Variants in GALNT13 observed in about 807,000 individuals in gnomAD.
The protein encoded by GALNT13 is UDP-GalNAc:polypeptide N-acetylgalactosaminyltransferase 13.
In GALNT13, 28 loss-of-function variants were observed where a neutral mutation model predicts 64.2. The observed-to-expected ratio is 0.44, with a 90% CI of 0.32 to 0.60. GALNT13 has a LOEUF of 0.60. Among genes scored for constraint, GALNT13 ranks in the 20% least tolerant of loss-of-function variants. The pLI is 0.05. For synonymous variants in GALNT13, 214 were observed against 224.6 expected, an observed-to-expected ratio of 0.95 and a Z score of 0.42; for missense variants, 577 against 669.8, an observed-to-expected ratio of 0.86 and a Z score of 1.53.
intron 10 of GALNT13, among the ~76,000 whole-genome samples, chr2:154,402,260 T>C (rs1018025295): frequency 6.6e-6 from 1 of 152,312 alleles, no homozygotes; most frequent in Admixed American, 6.5e-5. Context: ...GGGCAGTATA[T>C]ATCTCTCTCT....
the GALNT13 span, among the ~76,000 whole-genome samples, chr2:153,671,266 G>C: frequency 1.3e-5 from 2 of 152,146 alleles, no homozygotes; most frequent in Non-Finnish European, 2.9e-5. Context: ...CACCGAGGTT[G>C]AAATGAAGGA....
the GALNT13 span, among the ~76,000 whole-genome samples, chr2:153,356,821 G>A: frequency 7.1e-5 from 9 of 127,600 alleles, no homozygotes; most frequent in African/African-American, 9.2e-5. Context: ...TTTTTGAGAC[G>A]GAGTCTTGCT....
At chr2:153,542,477 T>C in the GALNT13 span, among the ~76,000 whole-genome samples, 17 of 152,248 alleles carry the variant, frequency 1.1e-4, no homozygotes, top group East Asian at 3.3e-3. Flanking sequence ...TAGGAATTTA[T>C]AGCAAGGGGC....
At chr2:154,138,620 C>A (rs1310944842) in intron 3 of GALNT13, among the ~76,000 whole-genome samples, 2 of 149,548 alleles carry the variant, frequency 1.3e-5, no homozygotes, top group Non-Finnish European at 3.0e-5. Flanking sequence ...TTAATAGGAG[C>A]GCCCATGTCA....
In GALNT13 at chr2:154,002,827, G is replaced by A. The variant is rs1017616906; in HGVS notation, c.142+58188G>A. 3.3e-5 allele frequency among the ~76,000 whole-genome samples: 5 copies of A among 152,120 alleles called. 1 individual carries two copies. The highest frequency in any genetic ancestry group is 2.1e-4 in the South Asian group (1 of 4,824). ...GTTACCAGAGTTTAATCATGGGCCC[G>A]TTTGTTGCTTCGAATTCTAGGGAGA... On this transcript the variant is annotated intron_variant, in intron 3 of 12. Coordinates refer to ENST00000392825, the MANE Select transcript of GALNT13 (RefSeq NM_052917.4).
the GALNT13 span, among the ~76,000 whole-genome samples, chr2:153,251,667 G>GGCCA: frequency 1.5e-5 from 2 of 130,014 alleles, no homozygotes; most frequent in East Asian, 4.5e-4. Flanking sequence ...TCCCCTTCCT[G>GGCCA]GGTCCATGTG....
chr2:154,322,144 CTTTTTTTTTT>C (rs70983718), intron 9 of GALNT13, among the ~76,000 whole-genome samples: 8 of 16,612 alleles, frequency 4.8e-4, no homozygotes, highest in African/African-American at 2.1e-3. Flanking sequence ...AAAATATGTA[CTTTTTTTTTT>C]TTTTTTTTTT....
intron 4 of GALNT13, among the ~76,000 whole-genome samples, chr2:154,171,931 A>G (rs1685368591): frequency 6.6e-6 from 1 of 151,410 alleles, no homozygotes. Context: ...AGTAAACATA[A>G]TATCCATGCT....
intron 6 of GALNT13, among the ~76,000 whole-genome samples, chr2:154,244,857 C>T (rs770163839): frequency 1.3e-5 from 2 of 152,084 alleles, no homozygotes; most frequent in Non-Finnish European, 1.5e-5. Context: ...TGCGGTGGCT[C>T]ACACCTATAA....
At chr2:153,241,238 C>T in the GALNT13 span, among the ~76,000 whole-genome samples, 2 of 152,206 alleles carry the variant, frequency 1.3e-5, no homozygotes, top group African/African-American at 2.4e-5. Context: ...GGGAGACTAT[C>T]CACTCTTCGT....
the GALNT13 span, among the ~76,000 whole-genome samples, chr2:153,407,220 C>T: frequency 2.6e-5 from 4 of 152,116 alleles, no homozygotes; most frequent in Admixed American, 2.6e-4. Context: ...GAAACAGAAA[C>T]TCAGGATGGG....
intron 9 of GALNT13, among the ~76,000 whole-genome samples, chr2:154,351,569 G>A (rs1696405050): frequency 1.3e-5 from 2 of 151,776 alleles, no homozygotes; most frequent in African/African-American, 2.4e-5. Context: ...TGTAGTCCCA[G>A]CTACTCTGGA....
intron 3 of GALNT13, among the ~76,000 whole-genome samples, chr2:153,986,602 T>C (rs1362502572): frequency 6.6e-6 from 1 of 151,946 alleles, no homozygotes; most frequent in African/African-American, 2.4e-5. Context: ...CAAATCCTTT[T>C]AGCCCAAGTT....
the GALNT13 span, among the ~76,000 whole-genome samples, chr2:153,372,410 G>C: frequency 6.6e-6 from 1 of 152,168 alleles, no homozygotes; most frequent in South Asian, 2.1e-4. Flanking sequence ...CACTTTGGGA[G>C]GCCAAGGCAG....
chr2:153,655,424 A>C, the GALNT13 span, among the ~76,000 whole-genome samples: 1 of 152,044 alleles, frequency 6.6e-6, no homozygotes, highest in African/African-American at 2.4e-5. Flanking sequence ...TGATCCTTTG[A>C]TTTAAGAGAT....
At chr2:153,248,536 C>T in the GALNT13 span, among the ~76,000 whole-genome samples, 1 of 151,284 alleles carries the variant, frequency 6.6e-6, no homozygotes, top group Non-Finnish European at 1.5e-5. Context: ...AACCCTCGGC[C>T]GGGCGTGGTG....
chr2:154,020,623 G>T (rs2105275832), intron 3 of GALNT13, among the ~76,000 whole-genome samples: 1 of 151,942 alleles, frequency 6.6e-6, no homozygotes, highest in Middle Eastern at 3.4e-3. Flanking sequence ...TGAGTAGGTT[G>T]TGAAAATTTT....
the GALNT13 span, among the ~76,000 whole-genome samples, chr2:153,209,532 T>C: frequency 6.6e-6 from 1 of 152,224 alleles, no homozygotes; most frequent in South Asian, 2.1e-4. Context: ...TATGTGCTTA[T>C]CTTTATGCCA....
chr2:153,631,174 C>T, the GALNT13 span, among the ~76,000 whole-genome samples: 5 of 152,028 alleles, frequency 3.3e-5, no homozygotes, highest in African/African-American at 1.2e-4. Context: ...TATTCCATGG[C>T]ATATATGTGC....
Sources: gnomAD v4.1 joint callset for allele counts (sites outside exome capture counted in the v4.1 genomes callset) on GRCh38, gnomAD v4.1.1 for gene constraint, MANE v1.5 for transcripts, NCBI Gene and HGNC (gene_info 2026-07-23, HGNC 2026-07-21) for gene names.